PLCG2: variants seen among roughly 807,000 people sequenced by gnomAD.
The protein encoded by PLCG2 is phospholipase C gamma 2.
In PLCG2, 69 loss-of-function variants were observed where a neutral mutation model predicts 175.6. That is an observed-to-expected ratio of 0.39 (90% CI 0.32 to 0.48). PLCG2 has a LOEUF of 0.48. Among genes scored for constraint, PLCG2 ranks in the 20% least tolerant of loss-of-function variants. PLCG2 has a pLI of 0.91. For synonymous variants in PLCG2, 827 were observed against 624.0 expected (o/e 1.33, Z -4.85); for missense variants, 1,798 against 1,650.9 (o/e 1.09, Z -1.54).
rs147819000 is a variant in PLCG2, at chr16:81,810,993, A to G, written c.193+24811A>G. Among the ~76,000 whole-genome samples, 514 of 152,338 alleles carry G rather than the reference A, an allele frequency of 3.4e-3. 2 individuals carry two copies. Among genetic ancestry groups the G allele is most frequent in the African/African-American group, 0.012 (483 of 41,572 alleles). On this transcript the variant is annotated intron_variant, in intron 2 of 32. Transcript: ENST00000564138. ...GGAACAGCAGCGAAACTGATCTAAC[A>G]GTGGCCTTCCTGGCCCTAGTGGCTG...
intron 1 of PLCG2, among the ~76,000 whole-genome samples, chr16:81,745,121 T>G (rs1430234558): frequency 6.6e-6 from 1 of 152,178 alleles, no homozygotes; most frequent in Non-Finnish European, 1.5e-5. Flanking sequence ...GGGGCTGGGT[T>G]TTGCATCCAG....
At chr16:81,778,957 G>C (rs571411081), upstream of PLCG2, among the ~76,000 whole-genome samples, 5 of 152,172 alleles carry the variant, frequency 3.3e-5, no homozygotes, top group South Asian at 2.1e-4. Context: ...CCGGGCGCCC[G>C]GCCGGGAGTG....
chr16:81,753,654 C>G (rs963692820), intron 1 of PLCG2, among the ~76,000 whole-genome samples: 6 of 152,156 alleles, frequency 3.9e-5, no homozygotes, highest in Non-Finnish European at 8.8e-5. Context: ...AGTGATCTCC[C>G]TGCCTTGGCC....
intron 2 of PLCG2, among the ~76,000 whole-genome samples, chr16:81,830,664 G>A (rs543288832): frequency 1.2e-4 from 16 of 129,222 alleles, no homozygotes; most frequent in African/African-American, 2.9e-4. Flanking sequence ...GTGTGTGTGT[G>A]TGTATATATA....
At chr16:81,954,232 A>C (rs1249118027) in intron 31 of PLCG2, among the ~76,000 whole-genome samples, 2 of 152,148 alleles carry the variant, frequency 1.3e-5, no homozygotes, top group East Asian at 1.9e-4. Context: ...TATGTTGCCC[A>C]GGCTGGTCTT....
rs1911731167 is a variant in PLCG2, at chr16:81,960,208, T to C, written c.*2210T>C. 4.5e-6 allele frequency: 1 copy of C among 220,766 alleles called. No individual in the cohort carries two copies. The highest frequency in any genetic ancestry group is 2.2e-5 in the African/African-American group (1 of 44,618). The allele number at this position is 220,766 out of a possible 1,614,324, so 13.7% of individuals were successfully genotyped here. ...AGTAACACGTTAATCTGGTTCTTGGTGGTGTTAGGGACTGATTCTCTCAGG... is the reference window on the plus strand; with the variant it reads ...AGTAACACGTTAATCTGGTTCTTGGCGGTGTTAGGGACTGATTCTCTCAGG... On this transcript the variant is annotated 3_prime_UTR_variant, in exon 33 of 33. Transcript: ENST00000564138.
At chr16:81,901,262 G>A (rs1407534062) in intron 14 of PLCG2, among the ~76,000 whole-genome samples, 1 of 152,340 alleles carries the variant, frequency 6.6e-6, no homozygotes, top group East Asian at 1.9e-4. Context: ...GCTGAGTGCA[G>A]CAATAGAGCT....
chr16:81,928,277 A>T (rs1233953617), intron 23 of PLCG2, among the ~76,000 whole-genome samples: 1 of 152,108 alleles, frequency 6.6e-6, no homozygotes, highest in African/African-American at 2.4e-5. Context: ...TGGAAACCAG[A>T]TCTGAGGAAG....
chr16:81,901,088 C>T (rs1268033815), intron 14 of PLCG2, among the ~76,000 whole-genome samples: 2 of 152,218 alleles, frequency 1.3e-5, no homozygotes, highest in Non-Finnish European at 2.9e-5. Flanking sequence ...GTTGGTGCTA[C>T]GTTAAGTGCT....
chr16:81,817,602 T>C (rs760768879), intron 2 of PLCG2, among the ~76,000 whole-genome samples: 73 of 152,212 alleles, frequency 4.8e-4, no homozygotes, highest in Non-Finnish European at 3.8e-4. Flanking sequence ...GACAAAGATG[T>C]ATGTAGAACA....
intron 2 of PLCG2, among the ~76,000 whole-genome samples, chr16:81,849,771 C>CAAAAAAAAAAAAAAAAAA (rs34130863): frequency 1.2e-5 from 1 of 83,154 alleles, no homozygotes; most frequent in Non-Finnish European, 2.1e-5. Flanking sequence ...AACTCTGTCT[C>CAAAAAAAAAAAAAAAAAA]AAAAAAAAAA....
chr16:81,949,220 G>C (rs930985332), intron 31 of PLCG2, among the ~76,000 whole-genome samples: 5 of 152,164 alleles, frequency 3.3e-5, no homozygotes, highest in Non-Finnish European at 5.9e-5. Context: ...ACGGTGGAGA[G>C]CTATTAATGA....
At chr16:81,834,332 G>C (rs1335936581) in intron 2 of PLCG2, among the ~76,000 whole-genome samples, 1 of 152,146 alleles carries the variant, frequency 6.6e-6, no homozygotes, top group Non-Finnish European at 1.5e-5. Flanking sequence ...GTGTTCTGCT[G>C]GCTGCTGGCA....
intron 2 of PLCG2, among the ~76,000 whole-genome samples, chr16:81,851,280 T>G (rs991833951): frequency 1.2e-4 from 18 of 152,184 alleles, no homozygotes; most frequent in African/African-American, 4.3e-4. Context: ...TTCATAACCA[T>G]AGTTATCAAA....
intron 21 of PLCG2, chr16:81,921,547 C>CTTTCAAATG (rs1315909656): frequency 6.8e-6 from 3 of 442,570 alleles, no homozygotes; most frequent in African/African-American, 4.0e-5. Context: ...AATGAAAAGT[C>CTTTCAAATG]TTTCAAATGT....
At chr16:81,873,146 A>T (rs964237608) in intron 7 of PLCG2, among the ~76,000 whole-genome samples, 1 of 152,220 alleles carries the variant, frequency 6.6e-6, no homozygotes, top group Non-Finnish European at 1.5e-5. Context: ...AGTTGGGAGA[A>T]CTGGATTCTA....
intron 13 of PLCG2, among the ~76,000 whole-genome samples, chr16:81,896,432 T>G (rs1908894000): frequency 6.8e-6 from 1 of 147,672 alleles, no homozygotes; most frequent in African/African-American, 2.5e-5. Flanking sequence ...ACACAAATCA[T>G]CTGGGTGTAG....
chr16:81,764,094 A>T (rs1009390514), intron 2 of PLCG2, among the ~76,000 whole-genome samples: 1 of 152,000 alleles, frequency 6.6e-6, no homozygotes, highest in East Asian at 1.9e-4. Flanking sequence ...GGAGTTCGAG[A>T]CCAGCCTGGG....
intron 1 of PLCG2, among the ~76,000 whole-genome samples, chr16:81,748,237 A>C (rs1909742351): frequency 6.6e-6 from 1 of 152,150 alleles, no homozygotes; most frequent in Non-Finnish European, 1.5e-5. Context: ...TAAAAATACA[A>C]AATTTAGCTG....
Sources: allele counts gnomAD v4.1 joint callset (sites outside exome capture counted in the v4.1 genomes callset), GRCh38; gene constraint gnomAD v4.1.1; transcripts MANE v1.5; gene names NCBI Gene and HGNC (gene_info 2026-07-23, HGNC 2026-07-21).